Variants in COBL observed in about 807,000 individuals in gnomAD.
COBL encodes protein cordon-bleu.
COBL carries 51 observed loss-of-function variants against 98.8 expected under a neutral mutation model. That is an observed-to-expected ratio of 0.52 (90% CI 0.41 to 0.65). COBL has a LOEUF of 0.65. Ranked by LOEUF, COBL falls within the 30% of genes least tolerant of loss-of-function variation. The pLI, the probability that COBL is intolerant of heterozygous loss-of-function variation, is 0.00. For missense variants in COBL, 1,617 were observed against 1,617.5 expected, an observed-to-expected ratio of 1.00 and a Z score of 0.01; for synonymous variants, 634 against 651.7, an observed-to-expected ratio of 0.97 and a Z score of 0.41.
chr7:51,241,638 G>C (rs1795805734), intron 1 of COBL, among the ~76,000 whole-genome samples: 1 of 152,234 alleles, frequency 6.6e-6, no homozygotes, highest in Non-Finnish European at 1.5e-5. Flanking sequence ...ATGGAAGTCT[G>C]TACATGTGAC....
chr7:51,295,444 C>CA (rs199794683), intron 1 of COBL, among the ~76,000 whole-genome samples: 3 of 151,764 alleles, frequency 2.0e-5, no homozygotes, highest in East Asian at 1.9e-4. Context: ...AAACATTTTT[C>CA]AAAAAAAATA....
At chr7:51,304,289 T>C (rs1802258666) in intron 1 of COBL, among the ~76,000 whole-genome samples, 1 of 152,226 alleles carries the variant, frequency 6.6e-6, no homozygotes, top group African/African-American at 2.4e-5. Flanking sequence ...TCCAGCCTTC[T>C]AACAAAGCTC....
chr7:51,083,680 C>T (rs987191727), intron 7 of COBL, among the ~76,000 whole-genome samples: 5 of 152,180 alleles, frequency 3.3e-5, no homozygotes, highest in Non-Finnish European at 5.9e-5. Flanking sequence ...CTAGATTAAG[C>T]ATTCATTTAG....
At chr7:51,046,308 G>A (rs952639005) in intron 7 of COBL, among the ~76,000 whole-genome samples, 2 of 152,178 alleles carry the variant, frequency 1.3e-5, no homozygotes, top group Non-Finnish European at 2.9e-5. Context: ...CTTTGAGGAG[G>A]GTGATGGAGG....
chr7:51,060,413 C>A (rs1469859231), intron 7 of COBL, among the ~76,000 whole-genome samples: 3 of 152,330 alleles, frequency 2.0e-5, no homozygotes, highest in Middle Eastern at 3.4e-3. Context: ...AGGAGTGCAG[C>A]AATGAGCCTG....
intron 1 of COBL, among the ~76,000 whole-genome samples, chr7:51,310,103 G>T (rs1017747579): frequency 2.6e-5 from 4 of 152,230 alleles, no homozygotes; most frequent in Non-Finnish European, 5.9e-5. Context: ...GGAACTAGCC[G>T]CACACAGCTA....
rs1020291027 is a variant in COBL at position 51,316,774 on chromosome 7, G to A, written c.-141C>T. 194 of 611,988 alleles carry A rather than the reference G, an allele frequency of 3.2e-4. No individual in the cohort carries two copies. The African/African-American group carries it at 3.4e-3, about 11-fold the overall frequency. The allele number at this position is 611,988 out of a possible 1,614,324, so 37.9% of individuals were successfully genotyped here. A position where few individuals can be genotyped will look rare whatever the true frequency, so the allele number is the denominator to read the frequency against. The stretch of plus-strand genomic sequence containing the variant: ...ACGCGGGCCGGCGGAGGACAGCGGC[G>A]GAGCGCGGCGGACGGAAGGGGCTGG... On this transcript the variant is annotated 5_prime_UTR_variant, in exon 1 of 13. Transcript: ENST00000265136.
At chr7:51,240,037 T>G (rs1409114259) in intron 1 of COBL, among the ~76,000 whole-genome samples, 1 of 151,734 alleles carries the variant, frequency 6.6e-6, no homozygotes. Context: ...TCTCATATAA[T>G]TTTTTTATAT....
At chr7:51,246,450 C>A (rs1223566955) in intron 1 of COBL, among the ~76,000 whole-genome samples, 2 of 152,192 alleles carry the variant, frequency 1.3e-5, no homozygotes, top group Non-Finnish European at 2.9e-5. Context: ...TCATGGCTCA[C>A]TCCCCAAAGC....
At chr7:51,161,587 C>A (rs1786810712) in intron 5 of COBL, among the ~76,000 whole-genome samples, 1 of 152,090 alleles carries the variant, frequency 6.6e-6, no homozygotes, top group African/African-American at 2.4e-5. Flanking sequence ...CTGAACAGGG[C>A]AAATGGACAA....
intron 5 of COBL, among the ~76,000 whole-genome samples, chr7:51,163,674 C>T (rs1787031645): frequency 6.6e-6 from 1 of 152,196 alleles, no homozygotes; most frequent in African/African-American, 2.4e-5. Flanking sequence ...CCTTCTTTCA[C>T]AGATTCATAG....
intron 1 of COBL, among the ~76,000 whole-genome samples, chr7:51,315,277 G>A (rs556793821): frequency 6.8e-6 from 1 of 147,900 alleles, no homozygotes; most frequent in African/African-American, 2.4e-5. Context: ...AAAAAAGAGA[G>A]AGAGAAAGAA....
chr7:51,018,907 T>A (rs1372058624), intron 12 of COBL, among the ~76,000 whole-genome samples: 2,969 of 8,528 alleles, frequency 0.35, 619 homozygotes, highest in Non-Finnish European at 0.42. Flanking sequence ...AAAAAAAAAA[T>A]ATATATATAT....
chr7:51,261,574 G>A (rs1054649163), intron 1 of COBL, among the ~76,000 whole-genome samples: 33 of 152,298 alleles, frequency 2.2e-4, no homozygotes, highest in African/African-American at 7.7e-4. Context: ...GAGAGCTGAC[G>A]CACCAGGGAA....
At chr7:51,035,645 T>C (rs1418759858) in intron 8 of COBL, 1 of 152,182 alleles carries the variant, frequency 6.6e-6, no homozygotes, top group Non-Finnish European at 1.5e-5. Context: ...ATAATAACAT[T>C]GAAAATGTAT....
At chr7:51,117,505 T>G (rs2128985420) in intron 6 of COBL, among the ~76,000 whole-genome samples, 1 of 152,262 alleles carries the variant, frequency 6.6e-6, no homozygotes, top group South Asian at 2.1e-4. Context: ...AGTGAAATTT[T>G]TATATTGGCT....
At chr7:51,060,757 C>G (rs1562858066) in intron 7 of COBL, among the ~76,000 whole-genome samples, 1 of 152,078 alleles carries the variant, frequency 6.6e-6, no homozygotes, top group Non-Finnish European at 1.5e-5. Context: ...ATTATTCCAC[C>G]AGGGGGCACA....
intron 1 of COBL, among the ~76,000 whole-genome samples, chr7:51,271,460 C>T (rs1005516287): frequency 6.6e-6 from 1 of 152,190 alleles, no homozygotes; most frequent in Non-Finnish European, 1.5e-5. Flanking sequence ...CAACTACTTA[C>T]GTCAGTCACG....
chr7:51,215,659 G>A (rs1341662738), intron 2 of COBL, among the ~76,000 whole-genome samples: 1 of 152,244 alleles, frequency 6.6e-6, no homozygotes, highest in Non-Finnish European at 1.5e-5. Flanking sequence ...CCTTCTTGGG[G>A]CCTACTCAAC....
Sources: gnomAD v4.1 joint callset for allele counts (sites outside exome capture counted in the v4.1 genomes callset) on GRCh38, gnomAD v4.1.1 for gene constraint, MANE v1.5 for transcripts, NCBI Gene and HGNC (gene_info 2026-07-23, HGNC 2026-07-21) for gene names.